Variants in CDC42BPA observed in about 807,000 individuals in gnomAD.
The protein encoded by CDC42BPA is CDC42 binding protein kinase alpha, also known as serine/threonine-protein kinase MRCK alpha.
A neutral mutation model predicts 223.5 loss-of-function variants in CDC42BPA; 80 were observed. The ratio of observed to expected loss-of-function variants is 0.36; its 90% CI spans 0.30 to 0.43. The LOEUF (loss-of-function observed/expected upper bound fraction) is 0.43, where lower values mean the gene tolerates loss of function less well. Among genes scored for constraint, CDC42BPA ranks in the 20% least tolerant of loss-of-function variants. The pLI is 1.00. For missense variants in CDC42BPA, 1,743 were observed against 2,099.9 expected (o/e 0.83, Z 3.32); for synonymous variants, 694 against 718.6 (o/e 0.97, Z 0.55).
At chr1:227,259,064 C>T (rs1267810337) in intron 1 of CDC42BPA, among the ~76,000 whole-genome samples, 1 of 150,968 alleles carries the variant, frequency 6.6e-6, no homozygotes, top group Non-Finnish European at 1.5e-5. Context: ...AATACCTTGA[C>T]TTTCTTCAGT....
chr1:227,145,048 C>A (rs6426569), intron 8 of CDC42BPA, among the ~76,000 whole-genome samples: 108,909 of 152,014 alleles, frequency 0.72, 39,225 homozygotes, highest in South Asian at 0.86. Flanking sequence ...AACTAAAGTT[C>A]AGCAGTTTTT....
intron 23 of CDC42BPA, 94 bp downstream of exon 23, chr1:227,047,833 G>A (rs1360251914): frequency 4.7e-6 from 3 of 644,420 alleles, no homozygotes; most frequent in Admixed American, 5.4e-5. Flanking sequence ...TTGTAAATTT[G>A]AAGAAATAAT....
At chr1:227,276,147 A>G in intron 1 of CDC42BPA, among the ~76,000 whole-genome samples, 1 of 138,248 alleles carries the variant, frequency 7.2e-6, no homozygotes, top group Non-Finnish European at 1.6e-5. Flanking sequence ...CATCACGTCT[A>G]GGAAGTGAGG....
intron 16 of CDC42BPA, among the ~76,000 whole-genome samples, chr1:227,088,489 G>T (rs1226399015): frequency 6.6e-6 from 1 of 152,132 alleles, no homozygotes; most frequent in Non-Finnish European, 1.5e-5. Flanking sequence ...GATATACCTG[G>T]AAAGGAACAT....
chr1:227,129,186 C>A lies in CDC42BPA; in HGVS notation c.1436G>T (p.Gly479Val). The A allele has an allele frequency of 5.0e-6, 8 of 1,591,762 alleles. No homozygotes were observed. The highest frequency in any genetic ancestry group is 6.9e-6 in the Non-Finnish European group (8 of 1,163,392). Residue 479 changes from glycine to valine, a missense_variant, in exon 11 of 37, where the codon GGT (glycine) becomes GTT (valine). By Grantham distance (109) the Gly-to-Val change is moderately radical. This residue lies in a region of CDC42BPA where 464 missense variants were observed against 488.0 expected (regional missense o/e 0.95). Coordinates refer to ENST00000366766, the MANE Select transcript of CDC42BPA (RefSeq NM_001394014.1). Reference sequence around the variant, plus strand: ...TAAATCTTTGCTTGCTGTTAGTGGACCATCAACAGTTGAATACTGCAGAGC... The same window carrying A: ...TAAATCTTTGCTTGCTGTTAGTGGAACATCAACAGTTGAATACTGCAGAGC... The part of the protein sequence containing the change: ...VQALQYSTVD[G>V]PLTASKDLEI...
Position 227,028,637 on chromosome 1 carries a change from C to T in CDC42BPA, c.4432+20G>A, listed in dbSNP as rs375124181. On this transcript the variant is annotated intron_variant, in intron 30 of 36. Transcript: ENST00000366766. ...AGAAGAGATATAAAGATAAGACAGCCGTAAGAAAGAGAATCTTACAACAAG... is the reference window on the plus strand; with the variant it reads ...AGAAGAGATATAAAGATAAGACAGCTGTAAGAAAGAGAATCTTACAACAAG... 23 of 1,436,896 alleles carry T rather than the reference C, an allele frequency of 1.6e-5. No individual in the cohort carries two copies. Among genetic ancestry groups the T allele is most frequent in the East Asian group, 6.9e-5 (3 of 43,222 alleles). The allele number at this position is 1,436,896 out of a possible 1,614,324, so 89.0% of individuals were successfully genotyped here.
At chr1:227,164,866 A>G (rs1450880247) in intron 5 of CDC42BPA, among the ~76,000 whole-genome samples, 3 of 152,216 alleles carry the variant, frequency 2.0e-5, no homozygotes, top group Non-Finnish European at 2.9e-5. Flanking sequence ...TTCCAAATCA[A>G]TACATAGTCT....
At chr1:227,268,439 G>A (rs1212297400) in intron 1 of CDC42BPA, among the ~76,000 whole-genome samples, 5 of 151,584 alleles carry the variant, frequency 3.3e-5, no homozygotes, top group East Asian at 1.9e-4. Flanking sequence ...AAAGACACAC[G>A]CCCCCACCAG....
intron 1 of CDC42BPA, among the ~76,000 whole-genome samples, chr1:227,274,432 G>A (rs948455835): frequency 1.3e-4 from 20 of 152,262 alleles, no homozygotes; most frequent in South Asian, 6.2e-4. Context: ...GTCTCAAACC[G>A]AAGAGAAATG....
chr1:227,123,628 A>C (rs1333451563), intron 11 of CDC42BPA, among the ~76,000 whole-genome samples: 2 of 152,248 alleles, frequency 1.3e-5, no homozygotes, highest in Admixed American at 1.3e-4. Flanking sequence ...AGCAGTATTC[A>C]AAGTGGAACA....
intron 2 of CDC42BPA, among the ~76,000 whole-genome samples, chr1:227,231,413 T>C (rs1430510167): frequency 3.9e-5 from 6 of 152,126 alleles, no homozygotes; most frequent in African/African-American, 9.7e-5. Flanking sequence ...TCCAAGTCTT[T>C]GCTATTGTGA....
At chr1:227,205,168 G>A (rs1672439454) in intron 3 of CDC42BPA, among the ~76,000 whole-genome samples, 2 of 151,026 alleles carry the variant, frequency 1.3e-5, no homozygotes, top group African/African-American at 4.9e-5. Flanking sequence ...ACTTGGGAGG[G>A]TGAGGCAGGA....
At chr1:227,143,693 G>C (rs1436115615) in intron 8 of CDC42BPA, among the ~76,000 whole-genome samples, 1 of 152,174 alleles carries the variant, frequency 6.6e-6, no homozygotes, top group African/African-American at 2.4e-5. Flanking sequence ...TCAGTGGTGA[G>C]TTCAGTGTTA....
intron 2 of CDC42BPA, among the ~76,000 whole-genome samples, chr1:227,224,053 A>G (rs2147893626): frequency 6.6e-6 from 1 of 152,332 alleles, no homozygotes; most frequent in African/African-American, 2.4e-5. Flanking sequence ...TCACTGGGAC[A>G]TAACACTTTC....
intron 2 of CDC42BPA, among the ~76,000 whole-genome samples, chr1:227,227,742 T>C (rs1004882960): frequency 6.6e-6 from 1 of 152,074 alleles, no homozygotes; most frequent in Admixed American, 6.6e-5. Context: ...TTAGACAAGA[T>C]AGAAGGCGGA....
chr1:227,300,043 T>A (rs556958733), intron 1 of CDC42BPA, among the ~76,000 whole-genome samples: 41 of 152,170 alleles, frequency 2.7e-4, no homozygotes, highest in African/African-American at 9.6e-4. Flanking sequence ...AACAGACATG[T>A]AGGGAAGAGC....
At chr1:227,110,436 G>A (rs1165307262) in intron 14 of CDC42BPA, among the ~76,000 whole-genome samples, 5 of 152,106 alleles carry the variant, frequency 3.3e-5, no homozygotes, top group African/African-American at 9.7e-5. Context: ...ATGATACAGA[G>A]TCTCCAATGA....
chr1:227,027,860 T>A (rs1276084017), intron 30 of CDC42BPA, among the ~76,000 whole-genome samples: 1 of 152,206 alleles, frequency 6.6e-6, no homozygotes, highest in Non-Finnish European at 1.5e-5. Context: ...GTCAAGCCTA[T>A]AATCTCAGTG....
chr1:227,214,993 GTGA>G lies in CDC42BPA; in HGVS notation c.271-1777_271-1775del, dbSNP rs1174662085. On this transcript the variant is annotated intron_variant, in intron 2 of 36. Transcript: ENST00000366766. Reference sequence around the variant, plus strand: ...TTCATAACTCATTTGGCAGCATGTAGTGACATCAGGCTATTAATATTCTTGCTT... The same window carrying G: ...TTCATAACTCATTTGGCAGCATGTAGCATCAGGCTATTAATATTCTTGCTT... 3.9e-5 allele frequency among the ~76,000 whole-genome samples: 6 copies of G among 152,260 alleles called. No homozygotes were observed. The East Asian group carries it at 9.6e-4, about 24-fold the overall frequency.
Sources: allele counts gnomAD v4.1 joint callset (sites outside exome capture counted in the v4.1 genomes callset), GRCh38; gene constraint gnomAD v4.1.1; regional missense constraint gnomAD v4.1.1; transcripts MANE v1.5; gene names NCBI Gene and HGNC (gene_info 2026-07-23, HGNC 2026-07-21).